The following METTL15 variants were observed in gnomAD, a reference collection of about 807,000 sequenced individuals.
The protein encoded by METTL15 is methyltransferase 15, mitochondrial 12S rRNA N4-cytidine, also known as 12S rRNA N(4)-cytidine methyltransferase METTL15.
A neutral mutation model predicts 38.3 loss-of-function variants in METTL15; 34 were observed. The ratio of observed to expected loss-of-function variants is 0.89; its 90% CI spans 0.68 to 1.18. The LOEUF is 1.18. Among genes scored for constraint, METTL15 ranks in the 50% most tolerant of loss-of-function variants. The pLI is 0.00. For synonymous variants in METTL15, 162 were observed against 170.9 expected (o/e 0.95, Z 0.41); for missense variants, 438 against 498.4 (o/e 0.88, Z 1.15).
intron 3 of METTL15, among the ~76,000 whole-genome samples, chr11:28,139,494 AG>A (rs1391688462): frequency 4.6e-5 from 7 of 152,112 alleles, no homozygotes; most frequent in Non-Finnish European, 1.0e-4. Flanking sequence ...CCTTGTTAAC[AG>A]GGGGCCTAGG....
At chr11:28,126,447 G>A (rs1190052532) in intron 3 of METTL15, among the ~76,000 whole-genome samples, 1 of 151,982 alleles carries the variant, frequency 6.6e-6, no homozygotes, top group African/African-American at 2.4e-5. Context: ...TGTATCCTCA[G>A]TGCTAAGAGC....
chr11:28,292,029 T>C (rs1293951098), intron 5 of METTL15, among the ~76,000 whole-genome samples: 2 of 152,038 alleles, frequency 1.3e-5, no homozygotes, highest in Non-Finnish European at 1.5e-5. Flanking sequence ...AAAGATTTTT[T>C]TTTAGGAGAA....
intron 3 of METTL15, among the ~76,000 whole-genome samples, chr11:28,174,801 C>T (rs553121485): frequency 3.1e-4 from 39 of 123,852 alleles, no homozygotes; most frequent in African/African-American, 1.0e-3. Flanking sequence ...GGTGACAGAG[C>T]GAGATTCTGT....
chr11:28,193,517 A>G (rs931520546), intron 3 of METTL15, among the ~76,000 whole-genome samples: 1 of 152,066 alleles, frequency 6.6e-6, no homozygotes, highest in Non-Finnish European at 1.5e-5. Context: ...CCATAATCCA[A>G]TTGCCTCCCT....
rs201919374 is a variant in METTL15 at position 28,122,329 on chromosome 11, GTA to G, written c.270+8729_270+8730del. The G allele has an allele frequency of 2.6e-4, 42 of 160,964 alleles. 2 individuals are homozygous for G. Among genetic ancestry groups the G allele is most frequent in the Admixed American group, 1.5e-3 (19 of 12,410 alleles). 10.0% of individuals were successfully genotyped at this position (160,964 alleles called of 1,614,324 possible). ...TTCAAATCCTAGTATATAGATGTGT[GTA>G]TATGTGTGTGTGTGTGTGTGTGTGT... On this transcript the variant is annotated intron_variant, in intron 3 of 6. Coordinates refer to ENST00000407364, the MANE Select transcript of METTL15 (RefSeq NM_001113528.2).
intron 2 of METTL15, among the ~76,000 whole-genome samples, chr11:28,110,605 G>A (rs1469699583): frequency 6.6e-6 from 1 of 152,122 alleles, no homozygotes; most frequent in African/African-American, 2.4e-5. Context: ...TAGGCAAAAG[G>A]GTGTATTTTT....
chr11:28,191,143 C>T (rs1314501309), intron 3 of METTL15, among the ~76,000 whole-genome samples: 2 of 151,184 alleles, frequency 1.3e-5, no homozygotes, highest in South Asian at 2.1e-4. Context: ...AATGATTTTG[C>T]AATTTCCTGT....
At chr11:28,294,685 G>T (rs1246095640) in intron 5 of METTL15, among the ~76,000 whole-genome samples, 2 of 152,018 alleles carry the variant, frequency 1.3e-5, no homozygotes, top group Non-Finnish European at 2.9e-5. Context: ...CTATTAGTTG[G>T]GGGGCAGCTC....
At chr11:28,510,556 T>G (rs1412197477) in intron 6 of METTL15, among the ~76,000 whole-genome samples, 1 of 152,026 alleles carries the variant, frequency 6.6e-6, no homozygotes, top group Non-Finnish European at 1.5e-5. Flanking sequence ...GTAGTATCAG[T>G]GAACAATTTT....
At chr11:28,180,555 A>G (rs896167582) in intron 3 of METTL15, among the ~76,000 whole-genome samples, 6 of 151,798 alleles carry the variant, frequency 4.0e-5, no homozygotes, top group African/African-American at 1.4e-4. Context: ...TCGTTTAAGG[A>G]TGCTAGTGTT....
At chr11:28,150,977 A>G (rs1850064203) in intron 3 of METTL15, among the ~76,000 whole-genome samples, 2 of 141,712 alleles carry the variant, frequency 1.4e-5, no homozygotes, top group African/African-American at 5.4e-5. Flanking sequence ...AGAGGAGGAA[A>G]TTCCCATCTG....
At chr11:28,417,536 T>C (rs1163043853) in intron 5 of METTL15, among the ~76,000 whole-genome samples, 2 of 152,194 alleles carry the variant, frequency 1.3e-5, no homozygotes, top group African/African-American at 4.8e-5. Flanking sequence ...TGAAATATGA[T>C]TTAAACTTTG....
At chr11:28,218,351 TC>T (rs1853007940) in intron 4 of METTL15, among the ~76,000 whole-genome samples, 1 of 152,192 alleles carries the variant, frequency 6.6e-6, no homozygotes, top group Non-Finnish European at 1.5e-5. Flanking sequence ...ATGATTTGGC[TC>T]TGTGTTTGTC....
At chr11:28,138,800 C>T (rs1849600294) in intron 3 of METTL15, among the ~76,000 whole-genome samples, 1 of 152,134 alleles carries the variant, frequency 6.6e-6, no homozygotes, top group Non-Finnish European at 1.5e-5. Flanking sequence ...AAACCTGCAG[C>T]AATGTTTGTT....
At chr11:28,375,643 G>T (rs1306183468) in intron 5 of METTL15, among the ~76,000 whole-genome samples, 1 of 151,884 alleles carries the variant, frequency 6.6e-6, no homozygotes, top group Non-Finnish European at 1.5e-5. Flanking sequence ...ATTTTTTGAA[G>T]GGTTTTTTGT....
chr11:28,361,206 C>A (rs1301206760), intron 4 of METTL15, among the ~76,000 whole-genome samples: 1 of 149,564 alleles, frequency 6.7e-6, no homozygotes, highest in African/African-American at 2.5e-5. Flanking sequence ...AATGGTATTT[C>A]TAGTTCTAGA....
At chr11:28,116,046 A>G (rs1851941126) in intron 3 of METTL15, among the ~76,000 whole-genome samples, 1 of 152,196 alleles carries the variant, frequency 6.6e-6, no homozygotes, top group South Asian at 2.1e-4. Context: ...CTTTATAGAA[A>G]GAGAGGATTA....
intron 3 of METTL15, among the ~76,000 whole-genome samples, chr11:28,174,177 A>G (rs929602879): frequency 3.3e-5 from 5 of 152,162 alleles, no homozygotes; most frequent in Non-Finnish European, 7.3e-5. Flanking sequence ...TACACAGGCA[A>G]TTCGTCTCTT....
Position 28,354,146 on chromosome 11 carries a change from G to A in METTL15, c.*258+1988G>A, listed in dbSNP as rs774618879. 3.3e-5 allele frequency among the ~76,000 whole-genome samples: 5 copies of A among 152,234 alleles called. No individual in the cohort carries two copies. The South Asian group carries it at 6.2e-4, about 19-fold the overall frequency. ...TAATGAGAGAGAGTAGGTTAACAGC[G>A]CATCTATGGGGCTAGGAAAGGTCCC... On this transcript the variant is annotated intron_variant and NMD_transcript_variant, in intron 4 of 7. Transcript: ENST00000532947.
Sources: gnomAD v4.1 joint callset for allele counts (sites outside exome capture counted in the v4.1 genomes callset) on GRCh38, gnomAD v4.1.1 for gene constraint, MANE v1.5 for transcripts, NCBI Gene and HGNC (gene_info 2026-07-23, HGNC 2026-07-21) for gene names.